SLC5A6: variants seen among roughly 807,000 people sequenced by gnomAD.
The protein encoded by SLC5A6 is sodium-dependent multivitamin transporter.
In SLC5A6, 31 loss-of-function variants were observed where a neutral mutation model predicts 67.9. That is an observed-to-expected ratio of 0.46 (90% CI 0.34 to 0.62). The LOEUF (loss-of-function observed/expected upper bound fraction) is 0.62. Among genes scored for constraint, SLC5A6 ranks in the 20% least tolerant of loss-of-function variants. The pLI, the probability that SLC5A6 is intolerant of heterozygous loss-of-function variation, is 0.01. For synonymous variants in SLC5A6, 343 were observed against 331.0 expected (o/e 1.04, Z -0.39); for missense variants, 673 against 812.8 (o/e 0.83, Z 2.09).
chr2:27,206,126 G>T, intron 5 of SLC5A6, 33 bp from the exon 6 acceptor site: 1 of 1,607,336 alleles, frequency 6.2e-7, no homozygotes, highest in Non-Finnish European at 8.5e-7. Flanking sequence ...CTTATCCCTG[G>T]AAAAGGGTTC....
rs551061153 is a variant in SLC5A6, at chr2:27,209,019, G to A, written c.-140-1229C>T. ...CCCCAAGAATACACCACAATCCTCA[G>A]AGAAAGAGGGAAGGGATCATAATAT... On this transcript the variant is annotated intron_variant, in intron 2 of 16. Coordinates refer to ENST00000310574, the MANE Select transcript of SLC5A6 (RefSeq NM_021095.4). 1.4e-3 allele frequency among the ~76,000 whole-genome samples: 213 copies of A among 152,338 alleles called. 1 individual carries two copies. In the South Asian group the frequency reaches 0.017, roughly 12 times the overall value.
intron 2 of SLC5A6, among the ~76,000 whole-genome samples, chr2:27,209,620 T>G (rs1293210185): frequency 2.0e-5 from 3 of 152,010 alleles, no homozygotes; most frequent in Non-Finnish European, 4.4e-5. Context: ...AGGAGCAGAG[T>G]GTTGCAGTCA....
At chr2:27,212,279 G>C, upstream of SLC5A6, 12 of 1,554,214 alleles carry the variant, frequency 7.7e-6, no homozygotes, top group East Asian at 4.8e-5. Context: ...GGGCCGCTTA[G>C]GCCACGCCCG....
intron 2 of SLC5A6, among the ~76,000 whole-genome samples, chr2:27,209,648 G>C (rs1674322872): frequency 6.6e-6 from 1 of 152,334 alleles, no homozygotes; most frequent in South Asian, 2.1e-4. Context: ...ACAGGACATA[G>C]TTTAGATTTC....
Position 27,207,160 on chromosome 2 carries a change from T to G in SLC5A6, c.393+98A>C, listed in dbSNP as rs1674136209. ...TGAGTTTTCTGTCCCTCTCATTAGG[T>G]GGAGGAGGTCTAGGGTCCCAGGTCC... On this transcript the variant is annotated intron_variant, in intron 3 of 16. Coordinates refer to ENST00000310574, the MANE Select transcript of SLC5A6 (RefSeq NM_021095.4). The surrounding 1 kb of genome is among the most constrained non-coding windows in gnomAD (Gnocchi z 5.5). The G allele has an allele frequency of 3.9e-6, 5 of 1,290,800 alleles. No homozygotes were observed. The Admixed American group carries it at 9.3e-5, about 24-fold the overall frequency. The allele number at this position is 1,290,800 out of a possible 1,614,324, so 80.0% of individuals were successfully genotyped here.
intron 12 of SLC5A6, among the ~76,000 whole-genome samples, chr2:27,202,567 G>C (rs867948870): frequency 6.7e-6 from 1 of 148,250 alleles, no homozygotes; most frequent in South Asian, 2.2e-4. Context: ...GGCTGATGGA[G>C]AGGGATGTGT....
rs1271958179 is a variant in SLC5A6 at position 27,199,614 on chromosome 2, C to G, written c.*822G>C. 2.6e-5 allele frequency: 4 copies of G among 152,206 alleles called. No individual in the cohort carries two copies. Among genetic ancestry groups the G allele is most frequent in the African/African-American group, 9.7e-5 (4 of 41,378 alleles). The allele number at this position is 152,206 out of a possible 1,614,324, so 9.4% of individuals were successfully genotyped here. A position where few individuals can be genotyped will look rare whatever the true frequency, so the allele number is the denominator to read the frequency against. On this transcript the variant is annotated 3_prime_UTR_variant, in exon 17 of 17. Coordinates refer to ENST00000310574, the MANE Select transcript of SLC5A6 (RefSeq NM_021095.4). ...CTAGGTCCAATGGTAGTTTTTATTC[C>G]CCAGGAACAAAGATAATGTGGAGAA... is the stretch of plus-strand genomic sequence containing the variant.
intron 2 of SLC5A6, among the ~76,000 whole-genome samples, chr2:27,210,335 G>A (rs373535392): frequency 2.0e-5 from 3 of 152,124 alleles, no homozygotes; most frequent in African/African-American, 7.2e-5. Flanking sequence ...CTATGGTCTC[G>A]CATCTCTCCA....
intron 2 of SLC5A6, among the ~76,000 whole-genome samples, chr2:27,209,514 G>A (rs1444204970): frequency 6.6e-6 from 1 of 152,200 alleles, no homozygotes; most frequent in Non-Finnish European, 1.5e-5. Flanking sequence ...AGGTTATGCA[G>A]CATGATACAA....
At chr2:27,203,967 C>T (rs1425564812) in intron 9 of SLC5A6, 100 bp from the exon 10 acceptor site, 6 of 833,386 alleles carry the variant, frequency 7.2e-6, no homozygotes, top group Non-Finnish European at 9.8e-6. Flanking sequence ...AGCGAGTCTA[C>T]CGAGACTGGG....
chr2:27,209,123 G>T (rs1285397685), intron 2 of SLC5A6, among the ~76,000 whole-genome samples: 1 of 152,030 alleles, frequency 6.6e-6, no homozygotes, highest in East Asian at 1.9e-4. Context: ...ACACGCTAAG[G>T]CTCAGATGGT....
intron 12 of SLC5A6, among the ~76,000 whole-genome samples, chr2:27,202,563 T>C (rs1185323684): frequency 7.2e-6 from 1 of 139,042 alleles, no homozygotes; most frequent in Non-Finnish European, 1.6e-5. Flanking sequence ...AGGGGGCTGA[T>C]GGAGAGGGAT....
In SLC5A6 at chr2:27,206,886, G is replaced by C; in HGVS notation, c.450C>G (p.Ile150Met). 6.2e-7 allele frequency: 1 copy of C among 1,612,962 alleles called. No homozygotes were observed. Among genetic ancestry groups the C allele is most frequent in the Non-Finnish European group, 8.5e-7 (1 of 1,178,916 alleles). ...TVRVCGTVTF[I>M]FQMVIYMGVV... is the part of the protein sequence containing the mutation. ...TCCTCATTCTGCTTACCATCTGAAA[G>C]ATGAAGGTCACAGTTCCACACACTC... Residue 150 changes from isoleucine to methionine, a missense_variant, in exon 4 of 17, where the codon ATC (isoleucine) becomes ATG (methionine). Transcript: ENST00000310574.
chr2:27,200,515 T>C lies in SLC5A6; in HGVS notation c.1829A>G (p.Asp610Gly). Residue 610 changes from aspartate (D) to glycine (G), a missense_variant, in exon 17 of 17, where the codon GAC becomes GGC. By Grantham distance (94) the Asp-to-Gly change is moderately conservative. Coordinates refer to ENST00000310574, the MANE Select transcript of SLC5A6 (RefSeq NM_021095.4). The part of the protein sequence containing the change: ...PRNGVLGDSR[D>G]KEAMALDGTA... ...GCCATCCAGGGCCATGGCCTCCTTG[T>C]CTCTGCTGTCCCCCAGCACACCATT... The C allele has an allele frequency of 6.2e-7, 1 of 1,614,034 alleles. No homozygotes were observed. Among genetic ancestry groups the C allele is most frequent in the Non-Finnish European group, 8.5e-7 (1 of 1,179,938 alleles).
rs1235576207 is a variant in SLC5A6 at position 27,199,639 on chromosome 2, A to C, written c.*797T>G. On this transcript the variant is annotated 3_prime_UTR_variant, in exon 17 of 17. Coordinates refer to ENST00000310574, the MANE Select transcript of SLC5A6 (RefSeq NM_021095.4). ...CCCAGGAACAAAGATAATGTGGAGA[A>C]GAAACTCCAAAAGGAAACAGAGCAC... The C allele has an allele frequency of 6.6e-6, 1 of 152,422 alleles. No individual in the cohort carries two copies. The highest frequency in any genetic ancestry group is 2.4e-5 in the African/African-American group (1 of 41,446). The allele number at this position is 152,422 out of a possible 1,614,324, so 9.4% of individuals were successfully genotyped here. A position where few individuals can be genotyped will look rare whatever the true frequency, so the allele number is the denominator to read the frequency against.
At position 27,204,449 on chromosome 2, in the gene SLC5A6, G is replaced by A; in HGVS notation, c.1005+12C>T. 1 of 1,609,532 alleles carries A rather than the reference G, an allele frequency of 6.2e-7. No homozygotes were observed. Among genetic ancestry groups the A allele is most frequent in the South Asian group, 1.1e-5 (1 of 90,416 alleles). ...GGCCTGCCCTCATGGGAACAGAACAGCGCCTTCTCACCTGGTCTGGGGCTG... is the reference window on the plus strand; with the variant it reads ...GGCCTGCCCTCATGGGAACAGAACAACGCCTTCTCACCTGGTCTGGGGCTG... On this transcript the variant is annotated intron_variant, in intron 9 of 16. Coordinates refer to ENST00000310574, the MANE Select transcript of SLC5A6 (RefSeq NM_021095.4).
Position 27,212,010 on chromosome 2 carries a change from C to T in SLC5A6, c.-208+10G>A. On this transcript the variant is annotated intron_variant, in intron 1 of 16. Transcript: ENST00000310574. ...CCTGCCCGCCCCGCTCGCCGTGCCG[C>T]CATGTTTACTGAGGGCGGATGGAGG... 1.5e-6 allele frequency: 1 copy of T among 665,484 alleles called. No homozygotes were observed. Among genetic ancestry groups the T allele is most frequent in the South Asian group, 2.3e-5 (1 of 43,658 alleles). The allele number at this position is 665,484 out of a possible 1,614,324, so 41.2% of individuals were successfully genotyped here. A position where few individuals can be genotyped will look rare whatever the true frequency, so the allele number is the denominator to read the frequency against.
At chr2:27,205,288 C>T in intron 7 of SLC5A6, 62 bp downstream of exon 7, 2 of 1,543,794 alleles carry the variant, frequency 1.3e-6, no homozygotes, top group Non-Finnish European at 1.8e-6. Flanking sequence ...CAAGACCAGC[C>T]TCTAGGATGG....
chr2:27,205,952 C>G, intron 6 of SLC5A6, 74 bp downstream of exon 6: 1 of 1,149,240 alleles, frequency 8.7e-7, no homozygotes, highest in Non-Finnish European at 1.3e-6. Context: ...CTTATCTCTT[C>G]TTTTCCTTCT....
Sources: gnomAD v4.1 joint callset for allele counts (sites outside exome capture counted in the v4.1 genomes callset) on GRCh38, gnomAD v4.1.1 for gene constraint, Gnocchi (gnomAD v3.1) non-coding constraint, MANE v1.5 for transcripts, NCBI Gene and HGNC (gene_info 2026-07-23, HGNC 2026-07-21) for gene names.